The following ALKBH8 variants were observed in gnomAD, a reference collection of about 807,000 sequenced individuals.
ALKBH8 encodes tRNA (carboxymethyluridine(34)-5-O)-methyltransferase ALKBH8.
In ALKBH8, 36 loss-of-function variants were observed where a neutral mutation model predicts 59.8. That is an observed-to-expected ratio of 0.60 (90% CI 0.46 to 0.79). The LOEUF is 0.79. Among genes scored for constraint, ALKBH8 ranks in the 30% least tolerant of loss-of-function variants. ALKBH8 has a pLI of 0.00. For synonymous variants in ALKBH8, 276 were observed against 273.6 expected (o/e 1.01, Z -0.09); for missense variants, 768 against 801.0 (o/e 0.96, Z 0.50).
intron 6 of ALKBH8, 64 bp from the exon 7 acceptor site, chr11:107,549,887 T>C: frequency 2.6e-6 from 3 of 1,158,994 alleles, no homozygotes; most frequent in East Asian, 5.1e-5. Flanking sequence ...AAGATGGCTA[T>C]AAATGTAGCC....
In ALKBH8 at chr11:107,522,514, G is replaced by C. The variant is rs1397033215; in HGVS notation, c.1072C>G (p.Pro358Ala). 2 of 1,551,596 alleles carry C rather than the reference G, an allele frequency of 1.3e-6. No individual in the cohort carries two copies. The highest frequency in any genetic ancestry group is 2.0e-5 in the Admixed American group (1 of 50,996). Residue 358 changes from proline (P) to alanine (A), a missense_variant, in exon 10 of 12, where the codon CCC becomes GCC. By Grantham distance (27) the Pro-to-Ala change is conservative. Coordinates refer to ENST00000428149, the MANE Select transcript of ALKBH8 (RefSeq NM_138775.3). ...VCDSQRKETP[P>A]SFPESDKEAS... ...TCTTTATCACTCTCTGGAAATGAGG[G>C]GGGAGTCTCTTTCCTCTGGCTATCA...
intron 7 of ALKBH8, among the ~76,000 whole-genome samples, chr11:107,539,941 C>T (rs553458767): frequency 3.3e-5 from 5 of 152,314 alleles, no homozygotes; most frequent in African/African-American, 1.2e-4. Context: ...CCTCAATAAT[C>T]TGGTCATGAG....
chr11:107,547,557 A>C (rs1864315739), intron 7 of ALKBH8, among the ~76,000 whole-genome samples: 1 of 152,204 alleles, frequency 6.6e-6, no homozygotes, highest in Non-Finnish European at 1.5e-5. Flanking sequence ...CCAGGAAAGA[A>C]ATATTATTAA....
intron 11 of ALKBH8, 43 bp from the exon 12 acceptor site, chr11:107,505,258 A>G: frequency 7.0e-7 from 1 of 1,435,898 alleles, no homozygotes; most frequent in Non-Finnish European, 9.2e-7. Flanking sequence ...TGGAAGAGAC[A>G]GGAAATCAGA....
In ALKBH8 at chr11:107,504,618, G is replaced by T; in HGVS notation, c.*40C>A. 6.6e-7 allele frequency: 1 copy of T among 1,517,882 alleles called. No individual in the cohort carries two copies. Among genetic ancestry groups the T allele is most frequent in the Non-Finnish European group, 8.9e-7 (1 of 1,125,884 alleles). The allele number at this position is 1,517,882 out of a possible 1,614,324, so 94.0% of individuals were successfully genotyped here. On this transcript the variant is annotated 3_prime_UTR_variant, in exon 12 of 12. Coordinates refer to ENST00000428149, the MANE Select transcript of ALKBH8 (RefSeq NM_138775.3). ...ATTTATTCTCTCTTTTTTTTTAAGT[G>T]AGCATTTCTTCTTTATATATGATGT...
chr11:107,511,377 C>T (rs1862616743), intron 10 of ALKBH8, among the ~76,000 whole-genome samples: 1 of 152,230 alleles, frequency 6.6e-6, no homozygotes, highest in Non-Finnish European at 1.5e-5. Flanking sequence ...ACATTTAAAA[C>T]TGGAAAGTAT....
intron 6 of ALKBH8, among the ~76,000 whole-genome samples, chr11:107,551,563 G>A (rs1864492076): frequency 6.6e-6 from 1 of 151,714 alleles, no homozygotes; most frequent in Non-Finnish European, 1.5e-5. Context: ...CCATGATGGT[G>A]TGCGCCTGTA....
At chr11:107,550,210 C>T (rs1864433089) in intron 6 of ALKBH8, among the ~76,000 whole-genome samples, 1 of 152,244 alleles carries the variant, frequency 6.6e-6, no homozygotes. Context: ...AAAGACTAGG[C>T]GTATCAATAA....
chr11:107,525,648 G>T (rs1863321406), intron 8 of ALKBH8, 56 bp from the exon 9 acceptor site: 9 of 1,226,896 alleles, frequency 7.3e-6, no homozygotes, highest in Non-Finnish European at 9.5e-6. Context: ...AAATATTTCA[G>T]GCCTTTAAAA....
chr11:107,524,017 T>C (rs1236621788), intron 9 of ALKBH8, among the ~76,000 whole-genome samples: 1 of 152,168 alleles, frequency 6.6e-6, no homozygotes, highest in Non-Finnish European at 1.5e-5. Flanking sequence ...TAAAACATCA[T>C]GTTGTACATG....
rs545597654 is a variant in ALKBH8, at chr11:107,551,422, G to A, written c.700+386C>T. Among the ~76,000 whole-genome samples the A allele has an allele frequency of 9.9e-5, 15 of 152,206 alleles. No homozygotes were observed. In the South Asian group the frequency reaches 2.7e-3, roughly 27 times the overall value. On this transcript the variant is annotated intron_variant, in intron 6 of 11. Coordinates refer to ENST00000428149, the MANE Select transcript of ALKBH8 (RefSeq NM_138775.3). The stretch of plus-strand genomic sequence containing the variant: ...ATAATGTATTTGCTTGGCTGGGCGC[G>A]GTGGCTCATGCCTGTAATCCCAGCA...
chr11:107,559,245 G>A lies in ALKBH8; in HGVS notation c.129+1520C>T, dbSNP rs543340387. On this transcript the variant is annotated intron_variant, in intron 2 of 11. Coordinates refer to ENST00000428149, the MANE Select transcript of ALKBH8 (RefSeq NM_138775.3). ...TCTCTTTAAAAAATTACCCAGTCTC[G>A]GGTATGTCTTTATCAGCAGCATGAC... Among the ~76,000 whole-genome samples the A allele has an allele frequency of 1.8e-4, 28 of 152,158 alleles. No homozygotes were observed. In the South Asian group the frequency reaches 4.4e-3, roughly 24 times the overall value.
Position 107,510,886 on chromosome 11 carries a change from C to G in ALKBH8, c.1437+1G>C. 6.4e-7 allele frequency: 1 copy of G among 1,551,178 alleles called. No individual in the cohort carries two copies. The stretch of plus-strand genomic sequence containing the variant: ...TTAAGAGAAAGAAAGACCATACTTA[C>G]TGCTGTTGCAAAATGATGAATAACA... On this transcript the variant is annotated splice_donor_variant, in intron 11 of 11. Coordinates refer to ENST00000428149, the MANE Select transcript of ALKBH8 (RefSeq NM_138775.3). LOFTEE classifies it high-confidence loss of function.
chr11:107,554,084 AT>A, intron 3 of ALKBH8, 106 bp from the exon 4 acceptor site: 1 of 1,398,970 alleles, frequency 7.1e-7, no homozygotes, highest in Non-Finnish European at 9.7e-7. Context: ...TCAAATCCTC[AT>A]TTTCGGAAAC....
chr11:107,551,705 A>AAAAT (rs1555050252), intron 6 of ALKBH8, 103 bp downstream of exon 6: 6 of 305,826 alleles, frequency 2.0e-5, no homozygotes, highest in African/African-American at 9.3e-5. Context: ...AAAAAAAAAA[A>AAAAT]AATAATAATA....
intron 8 of ALKBH8, 108 bp from the exon 9 acceptor site, chr11:107,525,700 A>C: frequency 1.3e-6 from 1 of 746,134 alleles, no homozygotes; most frequent in Non-Finnish European, 1.9e-6. Flanking sequence ...TTTATTACAA[A>C]TATCTATTGG....
intron 2 of ALKBH8, among the ~76,000 whole-genome samples, chr11:107,559,000 A>G (rs1864825899): frequency 6.6e-6 from 1 of 152,182 alleles, no homozygotes; most frequent in Non-Finnish European, 1.5e-5. Flanking sequence ...TGTGGGAGGG[A>G]CCCACTGGGA....
At chr11:107,560,734 C>T in intron 2 of ALKBH8, 31 bp downstream of exon 2, 1 of 1,570,746 alleles carries the variant, frequency 6.4e-7, no homozygotes, top group Non-Finnish European at 8.6e-7. Flanking sequence ...AGTACATTTA[C>T]ATTCTAATAA....
At chr11:107,520,533 G>A (rs1393096206) in intron 10 of ALKBH8, among the ~76,000 whole-genome samples, 1 of 152,118 alleles carries the variant, frequency 6.6e-6, no homozygotes, top group African/African-American at 2.4e-5. Context: ...CAACAAGAAA[G>A]TGCAAAAGCA....
Sources: gnomAD v4.1 joint callset for allele counts (sites outside exome capture counted in the v4.1 genomes callset) on GRCh38, gnomAD v4.1.1 for gene constraint, MANE v1.5 for transcripts, NCBI Gene and HGNC (gene_info 2026-07-23, HGNC 2026-07-21) for gene names.